Variants in SDHAF2 observed in about 807,000 individuals in gnomAD.
SDHAF2 encodes succinate dehydrogenase assembly factor 2, mitochondrial.
A neutral mutation model predicts 18.5 loss-of-function variants in SDHAF2; 21 were observed. The observed-to-expected ratio is 1.13, with a 90% CI of 0.80 to 1.63. SDHAF2 has a LOEUF of 1.63. Ranked by LOEUF, SDHAF2 falls within the 40% of genes most tolerant of loss-of-function variation. The pLI, the probability that SDHAF2 is intolerant of heterozygous loss-of-function variation, is 0.00. For missense variants in SDHAF2, 195 were observed against 200.3 expected, an observed-to-expected ratio of 0.97 and a Z score of 0.16; for synonymous variants, 84 against 70.7, an observed-to-expected ratio of 1.19 and a Z score of -0.94.
At chr11:61,440,784 A>G (rs1862056435) in intron 3 of SDHAF2, among the ~76,000 whole-genome samples, 1 of 152,214 alleles carries the variant, frequency 6.6e-6, no homozygotes, top group African/African-American at 2.4e-5. Flanking sequence ...GCAGCCACAG[A>G]TAGCAGGTAA....
chr11:61,437,522 A>T, intron 1 of SDHAF2, 103 bp from the exon 2 acceptor site: 1 of 1,046,104 alleles, frequency 9.6e-7, no homozygotes, highest in Non-Finnish European at 1.5e-6. Flanking sequence ...TTTCCTCATG[A>T]CTAAATGTGA....
At chr11:61,436,828 C>A in intron 1 of SDHAF2, 1 of 1,238,022 alleles carries the variant, frequency 8.1e-7, no homozygotes, top group Non-Finnish European at 1.1e-6. Context: ...GGGTTTCCTA[C>A]TCCACCATCT....
chr11:61,446,662 C>T lies in SDHAF2; in HGVS notation c.*591C>T, dbSNP rs1862142483. The T allele has an allele frequency of 5.0e-6, 2 of 400,440 alleles. No homozygotes were observed. Among genetic ancestry groups the T allele is most frequent in the South Asian group, 1.3e-4 (1 of 7,980 alleles). The allele number at this position is 400,440 out of a possible 1,614,324, so 24.8% of individuals were successfully genotyped here. ...ACTGCTTAGGAGTCAACATCTTCATCATTGGGCTTTCTTTAAAACGTGCAC... is the reference window on the plus strand; with the variant it reads ...ACTGCTTAGGAGTCAACATCTTCATTATTGGGCTTTCTTTAAAACGTGCAC... On this transcript the variant is annotated 3_prime_UTR_variant, in exon 4 of 4. Transcript: ENST00000301761.
At chr11:61,437,103 C>A in intron 1 of SDHAF2, 3 of 1,086,198 alleles carry the variant, frequency 2.8e-6, no homozygotes, top group Non-Finnish European at 3.4e-6. Context: ...ATTCTAATTG[C>A]AGTTACTATT....
chr11:61,443,264 G>A (rs577408352), intron 3 of SDHAF2, among the ~76,000 whole-genome samples: 138 of 152,154 alleles, frequency 9.1e-4, no homozygotes, highest in African/African-American at 3.3e-3. Context: ...TTGACTTTTG[G>A]AGTTTCCAAC....
rs781702725 is a variant in SDHAF2, at chr11:61,437,823, A to G, written c.235A>G (p.Met79Val). ...RLLYESRKRG[M>V]LENCILLSLF... ...GCTCTATGAGAGCAGAAAGAGGGGA[A>G]TGTTGGAAAACTGCATTCTTCTTAG... is the stretch of plus-strand genomic sequence containing the variant. The change falls in exon 2 of 4, where the codon ATG (methionine) becomes GTG (valine). Residue 79 changes from methionine to valine, a missense_variant. Coordinates refer to ENST00000301761, the MANE Select transcript of SDHAF2 (RefSeq NM_017841.4). The G allele has an allele frequency of 1.2e-6, 2 of 1,613,876 alleles. No individual in the cohort carries two copies. Among genetic ancestry groups the G allele is most frequent in the Non-Finnish European group, 1.7e-6 (2 of 1,179,986 alleles).
intron 3 of SDHAF2, among the ~76,000 whole-genome samples, chr11:61,441,472 G>A (rs1362092291): frequency 6.8e-6 from 1 of 146,698 alleles, no homozygotes; most frequent in Non-Finnish European, 1.5e-5. Context: ...AGTAAGCCGA[G>A]ATCATGCCAC....
rs1232369187 is a variant in SDHAF2 at position 61,446,681 on chromosome 11, C to T, written c.*610C>T. 5.0e-5 allele frequency: 20 copies of T among 399,634 alleles called. No individual in the cohort carries two copies. The highest frequency in any genetic ancestry group is 8.7e-5 in the Admixed American group (2 of 22,924). The allele number at this position is 399,634 out of a possible 1,614,324, so 24.8% of individuals were successfully genotyped here. A position where few individuals can be genotyped will look rare whatever the true frequency, so the allele number is the denominator to read the frequency against. ...CTTCATCATTGGGCTTTCTTTAAAA[C>T]GTGCACTTTGTAATTTGAAAGAGAA... On this transcript the variant is annotated 3_prime_UTR_variant, in exon 4 of 4. Coordinates refer to ENST00000301761, the MANE Select transcript of SDHAF2 (RefSeq NM_017841.4).
intron 3 of SDHAF2, among the ~76,000 whole-genome samples, chr11:61,443,567 T>G (rs1862096070): frequency 6.6e-6 from 1 of 152,342 alleles, no homozygotes; most frequent in East Asian, 1.9e-4. Context: ...TAAGCTCAGC[T>G]TGGGTTGTTT....
At chr11:61,442,246 A>G (rs531453918) in intron 3 of SDHAF2, among the ~76,000 whole-genome samples, 4 of 152,244 alleles carry the variant, frequency 2.6e-5, no homozygotes, top group Non-Finnish European at 4.4e-5. Flanking sequence ...GAGGGTCACA[A>G]TGTTTTTTCT....
chr11:61,435,932 G>C (rs1167410127), intron 1 of SDHAF2: 1 of 152,282 alleles, frequency 6.6e-6, no homozygotes, highest in African/African-American at 2.4e-5. Context: ...AGACCAGCCT[G>C]ACCAACATAG....
intron 3 of SDHAF2, among the ~76,000 whole-genome samples, chr11:61,438,913 G>A (rs918344962): frequency 2.6e-5 from 4 of 151,976 alleles, no homozygotes; most frequent in African/African-American, 7.3e-5. Flanking sequence ...ACATGGTGGC[G>A]GACAACTGCA....
chr11:61,440,494 G>A (rs1030791168), intron 3 of SDHAF2, among the ~76,000 whole-genome samples: 1 of 151,720 alleles, frequency 6.6e-6, no homozygotes, highest in East Asian at 1.9e-4. Flanking sequence ...CCAGCTACTC[G>A]GGAGGCTGAG....
intron 3 of SDHAF2, among the ~76,000 whole-genome samples, chr11:61,439,033 G>C (rs1862033209): frequency 6.6e-6 from 1 of 151,326 alleles, no homozygotes. Flanking sequence ...AAAAGAGTGA[G>C]ACTATGTCTC....
intron 3 of SDHAF2, among the ~76,000 whole-genome samples, chr11:61,444,920 T>C (rs930364934): frequency 1.6e-4 from 24 of 152,200 alleles, no homozygotes; most frequent in Non-Finnish European, 3.2e-4. Flanking sequence ...AGTTCTCTGA[T>C]ATCTTTGAGA....
At chr11:61,445,813 A>G (rs1054721219) in intron 3 of SDHAF2, 128 bp from the exon 4 acceptor site, 1 of 1,121,658 alleles carries the variant, frequency 8.9e-7, no homozygotes, top group African/African-American at 1.5e-5. Flanking sequence ...GTGTATATTT[A>G]GAAGAAGGAT....
At chr11:61,438,783 G>A (rs1862028872) in intron 3 of SDHAF2, among the ~76,000 whole-genome samples, 1 of 152,150 alleles carries the variant, frequency 6.6e-6, no homozygotes, top group South Asian at 2.1e-4. Context: ...AGTGGCTCAT[G>A]CCTCTAATCT....
chr11:61,446,337 C>G lies in SDHAF2; in HGVS notation c.*266C>G, dbSNP rs1862137899. 1 of 603,746 alleles carries G rather than the reference C, an allele frequency of 1.7e-6. No homozygotes were observed. Among genetic ancestry groups the G allele is most frequent in the Admixed American group, 2.9e-5 (1 of 34,442 alleles). 37.4% of individuals were successfully genotyped at this position (603,746 alleles called of 1,614,324 possible). A position where few individuals can be genotyped will look rare whatever the true frequency, so the allele number is the denominator to read the frequency against. ...TGCAGGCTTTGCCTGGCTGCTATCT[C>G]TAGAGGCAAGTCTGCCACGAGAGGG... is the stretch of plus-strand genomic sequence containing the variant. On this transcript the variant is annotated 3_prime_UTR_variant, in exon 4 of 4. Transcript: ENST00000301761.
Position 61,437,841 on chromosome 11 carries a change from C to A in SDHAF2, c.253C>A (p.Leu85Ile), listed in dbSNP as rs1300112394. 7 of 1,613,192 alleles carry A rather than the reference C, an allele frequency of 4.3e-6. No homozygotes were observed. Among genetic ancestry groups the A allele is most frequent in the South Asian group, 2.2e-5 (2 of 91,052 alleles). Residue 85 changes from leucine to isoleucine, a missense_variant, in exon 2 of 4, where the codon CTT becomes ATT. Transcript: ENST00000301761. ...GAGGGGAATGTTGGAAAACTGCATT[C>A]TTCTTAGGTATGGGACTAGGAGTCT... ...RKRGMLENCI[L>I]LSLFAKEHLQ...
Sources: gnomAD v4.1 joint callset for allele counts (sites outside exome capture counted in the v4.1 genomes callset) on GRCh38, gnomAD v4.1.1 for gene constraint, MANE v1.5 for transcripts, NCBI Gene and HGNC (gene_info 2026-07-23, HGNC 2026-07-21) for gene names.